The following CLSTN2 variants were observed in gnomAD, a reference collection of about 807,000 sequenced individuals.
CLSTN2 encodes the protein calsyntenin 2, also known as calsyntenin-2.
Under a neutral mutation model 101.2 loss-of-function variants are expected in CLSTN2, and 48 were observed. The ratio of observed to expected loss-of-function variants is 0.47; its 90% CI spans 0.38 to 0.60. The LOEUF (loss-of-function observed/expected upper bound fraction) is 0.60. Ranked by LOEUF, CLSTN2 falls within the 20% of genes least tolerant of loss-of-function variation. The pLI is 0.00. For missense variants in CLSTN2, 1,160 were observed against 1,238.2 expected, an observed-to-expected ratio of 0.94 and a Z score of 0.95; for synonymous variants, 481 against 463.6, an observed-to-expected ratio of 1.04 and a Z score of -0.48.
intron 8 of CLSTN2, among the ~76,000 whole-genome samples, chr3:140,483,806 C>T (rs193056608): frequency 1.6e-3 from 238 of 152,058 alleles, no homozygotes; most frequent in Middle Eastern, 0.01. Context: ...TATTGCTTTC[C>T]GTTTGCTTGG....
At chr3:140,144,106 T>A (rs947505421) in intron 1 of CLSTN2, among the ~76,000 whole-genome samples, 5 of 152,194 alleles carry the variant, frequency 3.3e-5, no homozygotes, top group African/African-American at 1.2e-4. Flanking sequence ...AGCATCAAAC[T>A]CAGTCAAGTT....
chr3:140,089,580 TTTTATTTA>T (rs71627875), intron 1 of CLSTN2, among the ~76,000 whole-genome samples: 17,500 of 145,938 alleles, frequency 0.12, 1,307 homozygotes, highest in Admixed American at 0.25. Context: ...TTTCAGCTGG[TTTTATTTA>T]TTTATTTATT....
rs1021061838 is a variant in CLSTN2, at chr3:140,577,116, A to G, written c.*10863A>G. 2 of 152,196 alleles carry G rather than the reference A, an allele frequency of 1.3e-5. No homozygotes were observed. Among genetic ancestry groups the G allele is most frequent in the African/African-American group, 2.4e-5 (1 of 41,442 alleles). 9.4% of individuals were successfully genotyped at this position (152,196 alleles called of 1,614,324 possible). ...AGAGTGAGGGGCGCTGAGAGTCTCT[A>G]TGTATATAAAGATATAGGAAGAAAA... On this transcript the variant is annotated 3_prime_UTR_variant, in exon 17 of 17. Coordinates refer to ENST00000458420, the MANE Select transcript of CLSTN2 (RefSeq NM_022131.3).
At chr3:140,512,112 C>A (rs1389703128) in intron 8 of CLSTN2, among the ~76,000 whole-genome samples, 2 of 151,976 alleles carry the variant, frequency 1.3e-5, no homozygotes, top group Non-Finnish European at 2.9e-5. Flanking sequence ...ATGATAGTTT[C>A]TTTTGCTGTG....
intron 1 of CLSTN2, among the ~76,000 whole-genome samples, chr3:140,167,723 C>G (rs1468823878): frequency 6.6e-6 from 1 of 152,122 alleles, no homozygotes; most frequent in Non-Finnish European, 1.5e-5. Flanking sequence ...CCACCCCAAA[C>G]CCTAGCCACT....
intron 8 of CLSTN2, among the ~76,000 whole-genome samples, chr3:140,497,875 C>A (rs1009576319): frequency 1.3e-5 from 2 of 152,154 alleles, no homozygotes; most frequent in Non-Finnish European, 2.9e-5. Flanking sequence ...ATGGAAGAAG[C>A]CTGTTTTTCC....
intron 2 of CLSTN2, among the ~76,000 whole-genome samples, chr3:140,393,588 A>G (rs757349198): frequency 6.6e-6 from 1 of 152,206 alleles, no homozygotes; most frequent in Non-Finnish European, 1.5e-5. Context: ...GTAAACGGCC[A>G]TTATATTTGT....
intron 1 of CLSTN2, among the ~76,000 whole-genome samples, chr3:140,122,061 T>C (rs550193698): frequency 6.6e-6 from 1 of 152,292 alleles, no homozygotes; most frequent in Admixed American, 6.5e-5. Context: ...ATAGTTTTGA[T>C]CCAATCAGGA....
chr3:139,957,425 C>T (rs573426916), intron 1 of CLSTN2, among the ~76,000 whole-genome samples: 1 of 152,238 alleles, frequency 6.6e-6, no homozygotes, highest in Non-Finnish European at 1.5e-5. Context: ...TTTCATCTTT[C>T]TCCTTCTATA....
At chr3:140,162,314 T>A (rs777244237) in intron 1 of CLSTN2, among the ~76,000 whole-genome samples, 1 of 152,188 alleles carries the variant, frequency 6.6e-6, no homozygotes, top group African/African-American at 2.4e-5. Flanking sequence ...TTCTCCACCA[T>A]CTGGTATAGA....
chr3:140,274,326 A>G (rs938706487), intron 2 of CLSTN2, among the ~76,000 whole-genome samples: 11 of 152,146 alleles, frequency 7.2e-5, no homozygotes, highest in African/African-American at 2.7e-4. Context: ...GACAACCTTG[A>G]CAACAGACCC....
chr3:140,317,229 G>T (rs2087239089), intron 2 of CLSTN2, among the ~76,000 whole-genome samples: 1 of 152,114 alleles, frequency 6.6e-6, no homozygotes, highest in African/African-American at 2.4e-5. Context: ...TTATAAAGAG[G>T]ATTGTTGCTC....
At chr3:140,037,046 T>C (rs2007668128) in intron 1 of CLSTN2, among the ~76,000 whole-genome samples, 1 of 152,236 alleles carries the variant, frequency 6.6e-6, no homozygotes, top group South Asian at 2.1e-4. Flanking sequence ...TCTTGTGTTA[T>C]ATGTACAACT....
chr3:140,172,414 C>G (rs1432376415), intron 1 of CLSTN2, among the ~76,000 whole-genome samples: 1 of 152,092 alleles, frequency 6.6e-6, no homozygotes, highest in Non-Finnish European at 1.5e-5. Flanking sequence ...GGCTAGAACC[C>G]ATCAAACAAG....
chr3:140,059,572 C>T (rs79884790), intron 1 of CLSTN2, among the ~76,000 whole-genome samples: 3,130 of 152,190 alleles, frequency 0.021, 107 homozygotes, highest in African/African-American at 0.071. Flanking sequence ...CCTCACTCAA[C>T]CATCAGCTTG....
chr3:140,115,528 A>T (rs1462579431), intron 1 of CLSTN2, among the ~76,000 whole-genome samples: 1 of 152,176 alleles, frequency 6.6e-6, no homozygotes, highest in Non-Finnish European at 1.5e-5. Context: ...AAATTTGAAT[A>T]GCAAGTTCTC....
At chr3:140,482,938 T>C (rs954306238) in intron 8 of CLSTN2, among the ~76,000 whole-genome samples, 1 of 152,154 alleles carries the variant, frequency 6.6e-6, no homozygotes, top group African/African-American at 2.4e-5. Context: ...TTGTCTCTAT[T>C]TCCTTCAGTT....
intron 8 of CLSTN2, among the ~76,000 whole-genome samples, chr3:140,511,167 A>G (rs1187043488): frequency 1.3e-5 from 2 of 151,732 alleles, no homozygotes; most frequent in African/African-American, 4.8e-5. Flanking sequence ...ATGGCTTCCA[A>G]CTCCATCCAT....
chr3:140,549,655 C>G (rs985312824), intron 10 of CLSTN2, among the ~76,000 whole-genome samples: 6 of 149,090 alleles, frequency 4.0e-5, no homozygotes, highest in Non-Finnish European at 5.9e-5. Flanking sequence ...TCTTCCATAT[C>G]AGCAACTCAG....
Sources: allele counts gnomAD v4.1 joint callset (sites outside exome capture counted in the v4.1 genomes callset), GRCh38; gene constraint gnomAD v4.1.1; transcripts MANE v1.5; gene names NCBI Gene and HGNC (gene_info 2026-07-23, HGNC 2026-07-21).